ZNF654: variants seen among roughly 807,000 people sequenced by gnomAD.
ZNF654 encodes melanoma-associated antigen.
A neutral mutation model predicts 95.3 loss-of-function variants in ZNF654; 19 were observed. The ratio of observed to expected loss-of-function variants is 0.20; its 90% CI spans 0.14 to 0.29. ZNF654 has a LOEUF of 0.29. ZNF654 is among the 10% of genes least tolerant of loss of function. The probability of loss-of-function intolerance (pLI) is 1.00; values close to 1 mark genes in which losing one functional copy is unlikely to be tolerated. For synonymous variants in ZNF654, 413 were observed against 457.9 expected, an observed-to-expected ratio of 0.90 and a Z score of 1.25; for missense variants, 1,046 against 1,341.0, an observed-to-expected ratio of 0.78 and a Z score of 3.44.
intron 1 of ZNF654, among the ~76,000 whole-genome samples, chr3:88,080,053 T>A (rs1164144538): frequency 6.6e-6 from 1 of 152,096 alleles, no homozygotes; most frequent in Non-Finnish European, 1.5e-5. Flanking sequence ...ACAATTTATC[T>A]TTTTCATTCT....
At chr3:88,124,522 C>A (rs1440846620) in intron 3 of ZNF654, among the ~76,000 whole-genome samples, 2 of 152,172 alleles carry the variant, frequency 1.3e-5, no homozygotes, top group African/African-American at 2.4e-5. Flanking sequence ...TGCAACGTGG[C>A]ATATATAAAT....
chr3:88,136,355 T>A (rs568557000), intron 7 of ZNF654, among the ~76,000 whole-genome samples: 20 of 152,266 alleles, frequency 1.3e-4, no homozygotes, highest in African/African-American at 4.6e-4. Flanking sequence ...AAAGATGAAA[T>A]AAGAATTAAA....
intron 1 of ZNF654, among the ~76,000 whole-genome samples, chr3:88,059,916 G>T (rs1292087440): frequency 6.6e-6 from 1 of 151,814 alleles, no homozygotes; most frequent in Non-Finnish European, 1.5e-5. Context: ...TCCGCCGATT[G>T]CCCCCCGTGT....
At chr3:88,069,737 C>T (rs1445893594) in intron 1 of ZNF654, among the ~76,000 whole-genome samples, 3 of 152,064 alleles carry the variant, frequency 2.0e-5, no homozygotes, top group Non-Finnish European at 4.4e-5. Flanking sequence ...TTCAGTATCT[C>T]GTGTAATATA....
intron 3 of ZNF654, among the ~76,000 whole-genome samples, chr3:88,125,685 T>C (rs1197151368): frequency 6.6e-6 from 1 of 152,188 alleles, no homozygotes; most frequent in African/African-American, 2.4e-5. Flanking sequence ...GAGACTTTTG[T>C]CTACCTGCCA....
At chr3:88,068,009 A>AGG (rs1407797062) in intron 1 of ZNF654, among the ~76,000 whole-genome samples, 2 of 152,122 alleles carry the variant, frequency 1.3e-5, no homozygotes, top group East Asian at 1.9e-4. Context: ...AGACCCCTGA[A>AGG]GGGGAGTAAG....
intron 2 of ZNF654, among the ~76,000 whole-genome samples, 180 bp downstream of exon 2, chr3:88,086,582 AAGTTTTAAT>A (rs1708345862): frequency 6.6e-6 from 1 of 152,164 alleles, no homozygotes; most frequent in South Asian, 2.1e-4. Context: ...ATTTTACTTT[AAGTTTTAAT>A]AGTTAAATGG....
intron 1 of ZNF654, among the ~76,000 whole-genome samples, chr3:88,077,748 A>G (rs1044384744): frequency 5.3e-5 from 8 of 152,218 alleles, no homozygotes; most frequent in Admixed American, 2.6e-4. Flanking sequence ...TTAAAAACTG[A>G]AGAAGTCACA....
At chr3:88,129,952 C>A in intron 6 of ZNF654, 126 bp downstream of exon 6, 1 of 817,634 alleles carries the variant, frequency 1.2e-6, no homozygotes, top group Non-Finnish European at 1.7e-6. Context: ...ATTGATTGTG[C>A]AAGGAACAAT....
chr3:88,092,878 T>G lies in ZNF654; in HGVS notation c.332+6476T>G, dbSNP rs73844866. Among the ~76,000 whole-genome samples, 463 of 152,306 alleles carry G rather than the reference T, an allele frequency of 3.0e-3. 3 individuals are homozygous for G. The highest frequency in any genetic ancestry group is 0.011 in the African/African-American group (445 of 41,576). ...ATGTATTGATCTGCCTTCTATCAGCTGGGACACTTGAAAATTAGAGTTTTG... is the reference window on the plus strand; with the variant it reads ...ATGTATTGATCTGCCTTCTATCAGCGGGGACACTTGAAAATTAGAGTTTTG... On this transcript the variant is annotated intron_variant, in intron 2 of 8. Transcript: ENST00000636215.
intron 2 of ZNF654, among the ~76,000 whole-genome samples, chr3:88,096,936 T>C (rs1036862729): frequency 4.6e-5 from 7 of 152,180 alleles, no homozygotes; most frequent in African/African-American, 1.4e-4. Flanking sequence ...GCTAGTATAC[T>C]ATACACACTG....
chr3:88,076,671 T>G (rs1314073041), intron 1 of ZNF654, among the ~76,000 whole-genome samples: 1 of 152,226 alleles, frequency 6.6e-6, no homozygotes, highest in East Asian at 1.9e-4. Flanking sequence ...TAATTTGATC[T>G]TCATGTACTT....
intron 7 of ZNF654, 131 bp downstream of exon 7, chr3:88,135,333 A>G: frequency 1.5e-6 from 1 of 660,868 alleles, no homozygotes; most frequent in Non-Finnish European, 2.3e-6. Context: ...CATTCTCCAT[A>G]CATTACATTC....
intron 1 of ZNF654, among the ~76,000 whole-genome samples, chr3:88,067,684 A>G (rs950735775): frequency 5.3e-5 from 8 of 152,348 alleles, no homozygotes; most frequent in Middle Eastern, 6.8e-3. Flanking sequence ...TTGAGATCCA[A>G]TCGTTGAATT....
intron 3 of ZNF654, among the ~76,000 whole-genome samples, chr3:88,115,792 C>A (rs935313984): frequency 6.6e-6 from 1 of 152,154 alleles, no homozygotes; most frequent in South Asian, 2.1e-4. Context: ...TCATATGATG[C>A]ATCTGCCTCA....
intron 4 of ZNF654, among the ~76,000 whole-genome samples, chr3:88,127,343 C>G (rs1176002963): frequency 6.6e-6 from 1 of 151,622 alleles, no homozygotes; most frequent in Non-Finnish European, 1.5e-5. Context: ...GGAGGTGGGA[C>G]AAGACTAGGA....
At chr3:88,129,639 C>G (rs1706329680) in intron 5 of ZNF654, 48 bp from the exon 6 acceptor site, 1 of 1,317,552 alleles carries the variant, frequency 7.6e-7, no homozygotes, top group Non-Finnish European at 9.9e-7. Flanking sequence ...CAACTAGCTT[C>G]TTAGATATTT....
intron 7 of ZNF654, among the ~76,000 whole-genome samples, chr3:88,136,769 CA>C (rs1258074410): frequency 1.3e-5 from 2 of 152,072 alleles, no homozygotes; most frequent in Non-Finnish European, 2.9e-5. Context: ...TTTCATTGAA[CA>C]AATTGAAAAT....
chr3:88,127,284 AGGGT>A (rs567283486), intron 4 of ZNF654, among the ~76,000 whole-genome samples: 47 of 152,136 alleles, frequency 3.1e-4, no homozygotes, highest in Non-Finnish European at 5.3e-4. Flanking sequence ...CTAAGGGGTT[AGGGT>A]GGGTTGTGAA....
Sources: allele counts gnomAD v4.1 joint callset (sites outside exome capture counted in the v4.1 genomes callset), GRCh38; gene constraint gnomAD v4.1.1; transcripts MANE v1.5; gene names NCBI Gene and HGNC (gene_info 2026-07-23, HGNC 2026-07-21).